Variants in CEP85L observed in about 807,000 individuals in gnomAD.
CEP85L encodes centrosomal protein of 85 kDa-like.
A neutral mutation model predicts 100.3 loss-of-function variants in CEP85L; 60 were observed. That is an observed-to-expected ratio of 0.60 (90% CI 0.49 to 0.74). The LOEUF is 0.74. Ranked by LOEUF, CEP85L falls within the 30% of genes least tolerant of loss-of-function variation. CEP85L has a pLI of 0.00. For missense variants in CEP85L, 973 were observed against 936.2 expected, an observed-to-expected ratio of 1.04 and a Z score of -0.51; for synonymous variants, 319 against 322.7, an observed-to-expected ratio of 0.99 and a Z score of 0.12.
At chr6:118,648,129 C>A (rs1775320243) in intron 1 of CEP85L, among the ~76,000 whole-genome samples, 1 of 152,098 alleles carries the variant, frequency 6.6e-6, no homozygotes, top group Non-Finnish European at 1.5e-5. Flanking sequence ...TGGCACATGC[C>A]GGTAATCCCA....
At chr6:118,669,810 GAT>G (rs1349867888) in intron 1 of CEP85L, among the ~76,000 whole-genome samples, 1 of 151,798 alleles carries the variant, frequency 6.6e-6, no homozygotes, top group African/African-American at 2.4e-5. Flanking sequence ...TTTGGAGGCA[GAT>G]GATAGAGAGG....
At chr6:118,629,775 G>C (rs1774024461) in intron 2 of CEP85L, among the ~76,000 whole-genome samples, 1 of 152,096 alleles carries the variant, frequency 6.6e-6, no homozygotes, top group African/African-American at 2.4e-5. Context: ...CCCTCCTTTA[G>C]CTAAAAGACC....
At chr6:118,585,014 A>C (rs1408533916) in intron 2 of CEP85L, among the ~76,000 whole-genome samples, 1 of 152,190 alleles carries the variant, frequency 6.6e-6, no homozygotes, top group Non-Finnish European at 1.5e-5. Context: ...GATCTCAAGG[A>C]AACTCCCCTA....
intron 1 of CEP85L, among the ~76,000 whole-genome samples, chr6:118,677,398 A>G (rs1776517200): frequency 6.6e-6 from 1 of 152,104 alleles, no homozygotes; most frequent in Admixed American, 6.5e-5. Flanking sequence ...AAGTGTCATT[A>G]TTTTGTCTGG....
intron 6 of CEP85L, among the ~76,000 whole-genome samples, chr6:118,489,677 C>T (rs1029670976): frequency 6.6e-6 from 1 of 151,952 alleles, no homozygotes; most frequent in Non-Finnish European, 1.5e-5. Flanking sequence ...GAAAGGGGAA[C>T]CCTTGAACAC....
chr6:118,695,752 T>A (rs1777186320), intron 1 of CEP85L, among the ~76,000 whole-genome samples: 1 of 152,254 alleles, frequency 6.6e-6, no homozygotes, highest in African/African-American at 2.4e-5. Context: ...TAAAAATGGC[T>A]GTCCAGATAA....
At chr6:118,504,066 C>T (rs1775486813) in intron 5 of CEP85L, among the ~76,000 whole-genome samples, 1 of 152,014 alleles carries the variant, frequency 6.6e-6, no homozygotes, top group African/African-American at 2.4e-5. Context: ...CAAAAAAAAC[C>T]TGTTATCCAA....
intron 3 of CEP85L, among the ~76,000 whole-genome samples, chr6:118,532,246 T>C (rs560786855): frequency 7.9e-5 from 12 of 152,046 alleles, no homozygotes; most frequent in African/African-American, 2.9e-4. Context: ...CTAAGAGAAC[T>C]AACATAGGAA....
intron 1 of CEP85L, among the ~76,000 whole-genome samples, chr6:118,687,599 G>C (rs1286677164): frequency 6.6e-6 from 1 of 152,218 alleles, no homozygotes; most frequent in Admixed American, 6.5e-5. Context: ...AAGGGACAAT[G>C]CTCGGGATAT....
chr6:118,620,802 C>CTA (rs1773386336), intron 2 of CEP85L, among the ~76,000 whole-genome samples: 1 of 152,202 alleles, frequency 6.6e-6, no homozygotes, highest in Non-Finnish European at 1.5e-5. Context: ...CCTAGGACAG[C>CTA]CTGTAACCAG....
At chr6:118,582,542 G>A (rs1780633647) in intron 2 of CEP85L, among the ~76,000 whole-genome samples, 1 of 152,216 alleles carries the variant, frequency 6.6e-6, no homozygotes, top group Admixed American at 6.5e-5. Flanking sequence ...ACTAGGAAGG[G>A]AAGCAGTTCC....
chr6:118,499,309 G>C (rs1356506264), intron 5 of CEP85L, among the ~76,000 whole-genome samples: 1 of 152,154 alleles, frequency 6.6e-6, no homozygotes, highest in African/African-American at 2.4e-5. Context: ...GGCTAAAAAA[G>C]ACAAATCATG....
At chr6:118,505,007 T>G (rs575710156) in intron 5 of CEP85L, among the ~76,000 whole-genome samples, 7 of 152,092 alleles carry the variant, frequency 4.6e-5, no homozygotes, top group Non-Finnish European at 1.0e-4. Flanking sequence ...AACTTGGAAA[T>G]TATCAAGATG....
At chr6:118,625,021 T>C (rs1773692283) in intron 2 of CEP85L, among the ~76,000 whole-genome samples, 1 of 152,266 alleles carries the variant, frequency 6.6e-6, no homozygotes, top group South Asian at 2.1e-4. Context: ...TCCAACCACA[T>C]GTCCCAGTAG....
intron 2 of CEP85L, among the ~76,000 whole-genome samples, chr6:118,578,323 G>A (rs1562278932): frequency 6.6e-6 from 1 of 152,140 alleles, no homozygotes; most frequent in Non-Finnish European, 1.5e-5. Flanking sequence ...TTAGCAAACT[G>A]CGTGTTCACC....
At chr6:118,470,813 T>A (rs188917202) in intron 10 of CEP85L, among the ~76,000 whole-genome samples, 169 bp from the exon 11 acceptor site, 2 of 152,174 alleles carry the variant, frequency 1.3e-5, no homozygotes, top group African/African-American at 4.8e-5. Flanking sequence ...AGTTAGAGAG[T>A]GGCTGAATCC....
intron 3 of CEP85L, among the ~76,000 whole-genome samples, chr6:118,533,477 TC>T (rs1348579235): frequency 1.3e-5 from 1 of 79,892 alleles, no homozygotes; most frequent in Non-Finnish European, 3.1e-5. Flanking sequence ...TTTTAAAAGC[TC>T]CCAAAAAAAT....
chr6:118,654,564 A>C (rs974626998), upstream of CEP85L, among the ~76,000 whole-genome samples: 4 of 152,236 alleles, frequency 2.6e-5, no homozygotes, highest in African/African-American at 9.6e-5. Flanking sequence ...CAGATCACAA[A>C]GGTGACAAGT....
At chr6:118,628,399 T>C (rs867663406) in intron 2 of CEP85L, among the ~76,000 whole-genome samples, 4 of 151,878 alleles carry the variant, frequency 2.6e-5, no homozygotes, top group South Asian at 2.1e-4. Context: ...AATACTCTAA[T>C]AGAAATGAAG....
Sources: allele counts gnomAD v4.1 joint callset (sites outside exome capture counted in the v4.1 genomes callset), GRCh38; gene constraint gnomAD v4.1.1; transcripts MANE v1.5; gene names NCBI Gene and HGNC (gene_info 2026-07-23, HGNC 2026-07-21).